The following BCORL1 variants were observed in gnomAD, a reference collection of about 807,000 sequenced individuals.
BCORL1 encodes the protein BCL-6 corepressor-like protein 1.
A neutral mutation model predicts 87.6 loss-of-function variants in BCORL1; 7 were observed. The observed-to-expected ratio is 0.08, with a 90% CI of 0.05 to 0.15. BCORL1 has a LOEUF of 0.15. Ranked by LOEUF, BCORL1 falls within the 10% of genes least tolerant of loss-of-function variation. The pLI is 1.00. For missense variants in BCORL1, 1,215 were observed against 1,499.7 expected (o/e 0.81, Z 3.13); for synonymous variants, 591 against 634.4 (o/e 0.93, Z 1.03).
intron 2 of BCORL1, chrX:130,010,445 C>G (rs1424122540): frequency 9.2e-6 from 1 of 108,319 alleles, no homozygotes; most frequent in Non-Finnish European, 1.9e-5. Context: ...TTCCCCGAGA[C>G]CACCCTGACT....
At chrX:129,980,940 A>G (rs1311964147), upstream of BCORL1, among the ~76,000 whole-genome samples, 15 of 101,768 alleles carry the variant, frequency 1.5e-4, no homozygotes, top group Admixed American at 4.1e-4. Flanking sequence ...AGGGGCGTGG[A>G]GTTGTGAGCG....
chrX:130,055,669 T>G (rs1254400525), intron 13 of BCORL1, among the ~76,000 whole-genome samples, 185 bp from the exon 14 acceptor site: 1 of 112,432 alleles, frequency 8.9e-6, no homozygotes. Context: ...GGAGAAGACA[T>G]TTGCCTCAGC....
intron 4 of BCORL1, among the ~76,000 whole-genome samples, chrX:130,017,391 G>A (rs1266525738): frequency 2.7e-5 from 3 of 111,060 alleles, no homozygotes; most frequent in Non-Finnish European, 5.7e-5. Flanking sequence ...ATCTGCGCTC[G>A]GTGGTAATAA....
chrX:130,020,552 T>A (rs938424331), intron 4 of BCORL1, among the ~76,000 whole-genome samples: 1 of 112,299 alleles, frequency 8.9e-6, no homozygotes, highest in Non-Finnish European at 1.9e-5. Context: ...TACTGAGAAT[T>A]ATTTTCAGTT....
At chrX:130,044,388 C>T (rs763504947) in intron 11 of BCORL1, among the ~76,000 whole-genome samples, 9 of 111,138 alleles carry the variant, frequency 8.1e-5, no homozygotes, top group Non-Finnish European at 1.5e-4. Flanking sequence ...CCATTTTTGG[C>T]GGGAGGAAAA....
At chrX:129,992,108 C>T (rs1927239966) in intron 1 of BCORL1, among the ~76,000 whole-genome samples, 1 of 109,204 alleles carries the variant, frequency 9.2e-6, no homozygotes, top group African/African-American at 3.3e-5. Context: ...TAGCTAGGAC[C>T]ACAGGCCCAT....
At chrX:130,042,709 C>T (rs1429230542) in intron 11 of BCORL1, among the ~76,000 whole-genome samples, 3 of 111,795 alleles carry the variant, frequency 2.7e-5, no homozygotes, top group African/African-American at 9.7e-5. Flanking sequence ...TGGTGGCTCA[C>T]CCCTGTAATC....
intron 11 of BCORL1, 52 bp downstream of exon 11, chrX:130,039,334 C>T (rs755020644): frequency 7.6e-6 from 9 of 1,185,955 alleles, no homozygotes; most frequent in African/African-American, 1.7e-5. Flanking sequence ...GCCTCTGATT[C>T]CTGAACTTGT....
chrX:130,021,271 T>C lies in BCORL1; in HGVS notation c.3607+121T>C, dbSNP rs758295301. On this transcript the variant is annotated intron_variant, in intron 5 of 13. Coordinates refer to ENST00000540052, the MANE Select transcript of BCORL1 (RefSeq NM_001379451.1). ...CTCTGGAAAAGTGAGACTTCTTCAC[T>C]GTGGAAAGAAGATATGATTGACCCC... The C allele has an allele frequency of 3.4e-4, 366 of 1,075,368 alleles. 2 individuals carry two copies. The highest frequency in any genetic ancestry group is 2.2e-3 in the South Asian group (87 of 39,095). The allele number at this position is 1,075,368 out of a possible 1,213,427, so 88.6% of individuals were successfully genotyped here.
intron 11 of BCORL1, among the ~76,000 whole-genome samples, chrX:130,046,089 A>ATGGG (rs1397687204): frequency 9.1e-6 from 1 of 109,769 alleles, no homozygotes; most frequent in East Asian, 2.9e-4. Flanking sequence ...CAAGACCATC[A>ATGGG]TGGGCAACAG....
At chrX:130,009,576 G>GT (rs1168665028) in intron 2 of BCORL1, among the ~76,000 whole-genome samples, 1 of 110,880 alleles carries the variant, frequency 9.0e-6, no homozygotes, top group Non-Finnish European at 1.9e-5. Flanking sequence ...GGACTGGAAG[G>GT]TAAGGAGCCT....
intron 12 of BCORL1, among the ~76,000 whole-genome samples, chrX:130,051,500 TA>T (rs1603180854): frequency 1.8e-5 from 2 of 112,926 alleles, no homozygotes; most frequent in African/African-American, 6.4e-5. Context: ...AAGCTGCAGC[TA>T]GAGAAGGACA....
rs1290642380 is a variant in BCORL1, at chrX:130,015,103, A to C, written c.2331A>C (p.Gly777=). 2 of 1,210,793 alleles carry C rather than the reference A, an allele frequency of 1.7e-6. No homozygotes were observed. Among genetic ancestry groups the C allele is most frequent in the Admixed American group, 4.4e-5 (2 of 45,942 alleles). The change falls in exon 4 of 14, where the codon GGA becomes GGC. Residue 777 remains glycine, a synonymous_variant. Coordinates refer to ENST00000540052, the MANE Select transcript of BCORL1 (RefSeq NM_001379451.1). ...AGGGCAGCCAGGCTGGTGCTGAGGG[A>C]CAGCCAAGCACAGTGAAACGATATA... is the stretch of plus-strand genomic sequence containing the variant. ...GKKGSQAGAE[G]QPSTVKRYTP...
chrX:130,003,720 A>G (rs962665687), intron 1 of BCORL1, among the ~76,000 whole-genome samples: 1 of 111,711 alleles, frequency 9.0e-6, no homozygotes, highest in African/African-American at 3.3e-5. Context: ...TTAACATGCT[A>G]TGACATAGAA....
chrX:130,051,976 C>T lies in BCORL1; in HGVS notation c.5035C>T (p.Leu1679Phe). Residue 1679 changes from leucine to phenylalanine, a missense_variant, in exon 13 of 14, where the codon CTT becomes TTT. Physicochemically the swap from Leu to Phe is conservative, Grantham distance 22. Around this residue, in one of 5 missense-constraint regions of BCORL1, gnomAD observed 129 missense variants for 157.5 expected, o/e 0.82. Coordinates refer to ENST00000540052, the MANE Select transcript of BCORL1 (RefSeq NM_001379451.1). The part of the protein sequence containing the change: ...DFMFELSDKP[L>F]LPCYNLQVSV... ...CATGTTTGAACTCTCAGACAAGCCT[C>T]TTCTCCCTTGCTACAACCTCCAAGT... 8.3e-7 allele frequency: 1 copy of T among 1,207,658 alleles called. No individual in the cohort carries two copies. The highest frequency in any genetic ancestry group is 1.1e-6 in the Non-Finnish European group (1 of 893,396).
intron 1 of BCORL1, among the ~76,000 whole-genome samples, chrX:129,985,182 G>A (rs141596544): frequency 8.9e-6 from 1 of 112,295 alleles, no homozygotes; most frequent in Non-Finnish European, 1.9e-5. Context: ...AAAGCACGCC[G>A]TTGAGTTACA....
chrX:129,995,560 C>T, intron 1 of BCORL1, among the ~76,000 whole-genome samples: 1 of 111,193 alleles, frequency 9.0e-6, no homozygotes, highest in Admixed American at 9.6e-5. Flanking sequence ...CCTGCCTCAG[C>T]CTCCCGAGTA....
At chrX:130,003,937 A>T (rs1470879741) in intron 1 of BCORL1, among the ~76,000 whole-genome samples, 6 of 111,931 alleles carry the variant, frequency 5.4e-5, no homozygotes, top group Non-Finnish European at 7.5e-5. Flanking sequence ...AATCCCTCGT[A>T]CAACTATATC....
chrX:130,048,578 G>A (rs917871905), intron 11 of BCORL1, among the ~76,000 whole-genome samples: 6 of 111,970 alleles, frequency 5.4e-5, no homozygotes, highest in African/African-American at 1.6e-4. Flanking sequence ...GAGGCTAAGC[G>A]GTGGCCTTAG....
Sources: allele counts gnomAD v4.1 joint callset (sites outside exome capture counted in the v4.1 genomes callset), GRCh38; gene constraint gnomAD v4.1.1; regional missense constraint gnomAD v4.1.1; transcripts MANE v1.5; gene names NCBI Gene and HGNC (gene_info 2026-07-23, HGNC 2026-07-21).